WWOX: variants seen among roughly 807,000 people sequenced by gnomAD.
WWOX encodes WW domain containing oxidoreductase.
A neutral mutation model predicts 46.2 loss-of-function variants in WWOX; 69 were observed. The observed-to-expected ratio is 1.49, with a 90% CI of 1.23 to 1.82. The LOEUF is 1.82. Ranked by LOEUF, WWOX falls within the 40% of genes most tolerant of loss-of-function variation. The probability of loss-of-function intolerance (pLI) is 0.00; values close to 1 mark genes in which losing one functional copy is unlikely to be tolerated. For missense variants in WWOX, 919 were observed against 542.6 expected (o/e 1.69, Z -6.89); for synonymous variants, 359 against 202.6 (o/e 1.77, Z -6.56).
intron 8 of WWOX, among the ~76,000 whole-genome samples, chr16:78,991,816 T>C (rs1261073492): frequency 6.6e-6 from 1 of 152,152 alleles, no homozygotes; most frequent in Non-Finnish European, 1.5e-5. Context: ...GTAGTTTTCA[T>C]CTCGGTGTTC....
At chr16:78,844,166 G>A (rs2052236453) in intron 8 of WWOX, among the ~76,000 whole-genome samples, 1 of 152,112 alleles carries the variant, frequency 6.6e-6, no homozygotes, top group Non-Finnish European at 1.5e-5. Flanking sequence ...AAGTAAAACT[G>A]TAAGTGATTC....
intron 8 of WWOX, among the ~76,000 whole-genome samples, chr16:79,063,249 G>C (rs2048385652): frequency 6.6e-6 from 1 of 152,154 alleles, no homozygotes; most frequent in African/African-American, 2.4e-5. Context: ...CAACATTCGT[G>C]TTTTAGATAT....
At chr16:78,885,424 A>G (rs1037035258) in intron 8 of WWOX, among the ~76,000 whole-genome samples, 2 of 152,208 alleles carry the variant, frequency 1.3e-5, no homozygotes, top group African/African-American at 2.4e-5. Context: ...ATTTGTTAGA[A>G]AATAGTTTTC....
At chr16:79,177,221 G>C (rs2050817653) in intron 8 of WWOX, among the ~76,000 whole-genome samples, 1 of 152,136 alleles carries the variant, frequency 6.6e-6, no homozygotes, top group African/African-American at 2.4e-5. Context: ...ACACATGCTG[G>C]ATCTTATCAG....
At chr16:79,106,166 C>G (rs1418836674) in intron 8 of WWOX, among the ~76,000 whole-genome samples, 1 of 152,142 alleles carries the variant, frequency 6.6e-6, no homozygotes, top group East Asian at 1.9e-4. Flanking sequence ...GGGGCAGGGC[C>G]CAGCCGTCTA....
Position 78,473,623 on chromosome 16 carries a change from G to T in WWOX, c.1056+40871G>T, listed in dbSNP as rs150683898. Among the ~76,000 whole-genome samples the T allele has an allele frequency of 8.2e-3, 1,247 of 152,292 alleles. 16 individuals are homozygous for T. The highest frequency in any genetic ancestry group is 8.9e-3 in the Non-Finnish European group (608 of 68,036). ...GTCCCTCCTTTCCTAAGAAAATGTG[G>T]AAAGATGAGAATGTTGCCACCAGTG... On this transcript the variant is annotated intron_variant, in intron 8 of 8. Transcript: ENST00000566780.
At chr16:78,874,077 C>T (rs923143151) in intron 8 of WWOX, among the ~76,000 whole-genome samples, 4 of 150,574 alleles carry the variant, frequency 2.7e-5, no homozygotes, top group Non-Finnish European at 5.9e-5. Context: ...CTGACCAACC[C>T]TGTCTCTACT....
At chr16:78,431,799 G>A (rs533520194) in intron 7 of WWOX, among the ~76,000 whole-genome samples, 8 of 151,124 alleles carry the variant, frequency 5.3e-5, no homozygotes, top group East Asian at 2.0e-4. Context: ...TCACTGCAAC[G>A]TTGACCTCCC....
In WWOX at chr16:78,985,727, C is replaced by T. The variant is rs143739552; in HGVS notation, c.1057-225881C>T. Among the ~76,000 whole-genome samples, 1,331 of 152,210 alleles carry T rather than the reference C, an allele frequency of 8.7e-3. 19 individuals carry two copies. The highest frequency in any genetic ancestry group is 0.031 in the African/African-American group (1,271 of 41,544). ...GAGGTTGCAGTGAGCCAAGGTCGTGCCACTGCACTCCAGCCTGGGCAAAAG... is the reference window on the plus strand; with the variant it reads ...GAGGTTGCAGTGAGCCAAGGTCGTGTCACTGCACTCCAGCCTGGGCAAAAG... On this transcript the variant is annotated intron_variant, in intron 8 of 8. Coordinates refer to ENST00000566780, the MANE Select transcript of WWOX (RefSeq NM_016373.4).
At chr16:78,123,441 T>TTTTGTTTTG (rs1567584452) in intron 4 of WWOX, 8 of 42,934 alleles carry the variant, frequency 1.9e-4, no homozygotes, top group Admixed American at 1.6e-3. Flanking sequence ...TTTTGTTTTG[T>TTTTGTTTTG]TTTTTTTTTT....
At chr16:78,856,911 C>T (rs540927104) in intron 8 of WWOX, among the ~76,000 whole-genome samples, 1 of 152,176 alleles carries the variant, frequency 6.6e-6, no homozygotes, top group African/African-American at 2.4e-5. Flanking sequence ...TATAACCTGC[C>T]ATACTCCTAG....
rs141778827 is a variant in WWOX, at chr16:78,500,437, A to G, written c.1056+67685A>G. On this transcript the variant is annotated intron_variant, in intron 8 of 8. Transcript: ENST00000566780. ...CCTTCCTTCCTTTTTCCCTTCATCT[A>G]TCTTTGTTCCGCTTTTGTTTGTTTT... Among the ~76,000 whole-genome samples the G allele has an allele frequency of 2.5e-3, 361 of 146,610 alleles. 1 individual carries two copies. The highest frequency in any genetic ancestry group is 8.6e-3 in the African/African-American group (341 of 39,488).
At chr16:79,098,432 C>A (rs2049120666) in intron 8 of WWOX, among the ~76,000 whole-genome samples, 1 of 152,270 alleles carries the variant, frequency 6.6e-6, no homozygotes, top group South Asian at 2.1e-4. Context: ...TCAGGGGTCA[C>A]CATGGGCAAA....
intron 8 of WWOX, among the ~76,000 whole-genome samples, chr16:78,867,940 A>C (rs2044042394): frequency 6.6e-6 from 1 of 152,164 alleles, no homozygotes; most frequent in African/African-American, 2.4e-5. Flanking sequence ...TGCTGGTGGG[A>C]ATGTAAAATG....
chr16:78,506,847 G>A (rs1459350352), intron 8 of WWOX, among the ~76,000 whole-genome samples: 1 of 151,862 alleles, frequency 6.6e-6, no homozygotes, highest in Non-Finnish European at 1.5e-5. Context: ...CAAGTAGCTG[G>A]AACTACAGGC....
chr16:78,620,034 C>T (rs2046139389), intron 8 of WWOX, among the ~76,000 whole-genome samples: 2 of 152,182 alleles, frequency 1.3e-5, no homozygotes, highest in Non-Finnish European at 2.9e-5. Flanking sequence ...TCTCTAACGT[C>T]AGCTTCCTTT....
chr16:79,015,563 G>A (rs2047396562), intron 8 of WWOX, among the ~76,000 whole-genome samples: 2 of 152,122 alleles, frequency 1.3e-5, no homozygotes, highest in South Asian at 4.2e-4. Flanking sequence ...GAACAGTCCT[G>A]GTTCAACTCA....
chr16:78,806,377 C>G (rs980957393), intron 8 of WWOX, among the ~76,000 whole-genome samples: 3 of 152,146 alleles, frequency 2.0e-5, no homozygotes, highest in South Asian at 2.1e-4. Context: ...AATTTAGTGG[C>G]TTAAAACAAC....
intron 8 of WWOX, among the ~76,000 whole-genome samples, chr16:79,010,998 C>G (rs73569107): frequency 6.6e-6 from 1 of 152,010 alleles, no homozygotes; most frequent in Non-Finnish European, 1.5e-5. Context: ...AGGAGTAGCA[C>G]GATCTGGCTT....
Sources: gnomAD v4.1 joint callset for allele counts (sites outside exome capture counted in the v4.1 genomes callset) on GRCh38, gnomAD v4.1.1 for gene constraint, MANE v1.5 for transcripts, NCBI Gene and HGNC (gene_info 2026-07-23, HGNC 2026-07-21) for gene names.